The following ANAPC7 variants were observed in gnomAD, a reference collection of about 807,000 sequenced individuals.
ANAPC7 encodes the protein anaphase promoting complex subunit 7, also known as anaphase-promoting complex subunit 7.
In ANAPC7, 25 loss-of-function variants were observed where a neutral mutation model predicts 63.3. The observed-to-expected ratio is 0.39, with a 90% confidence interval of 0.29 to 0.55. ANAPC7 has a LOEUF of 0.55. Among genes scored for constraint, ANAPC7 ranks in the 20% least tolerant of loss-of-function variants. The pLI is 0.57. For missense variants in ANAPC7, 516 were observed against 691.7 expected (o/e 0.75, Z 2.85); for synonymous variants, 241 against 251.7 (o/e 0.96, Z 0.40).
At chr12:110,387,625 G>T in intron 5 of ANAPC7, 114 bp downstream of exon 5, 1 of 1,253,542 alleles carries the variant, frequency 8.0e-7, no homozygotes, top group African/African-American at 1.5e-5. Flanking sequence ...CCCAGAGACT[G>T]GCTGCAGCAC....
At chr12:110,379,218 A>G (rs1484750637) in intron 8 of ANAPC7, 1 of 152,242 alleles carries the variant, frequency 6.6e-6, no homozygotes, top group African/African-American at 2.4e-5. Context: ...GTTTGCAATT[A>G]CTTACTGAAT....
intron 6 of ANAPC7, among the ~76,000 whole-genome samples, chr12:110,385,937 CTTATTCCTTTT>C (rs1477460085): frequency 6.6e-6 from 1 of 152,134 alleles, no homozygotes; most frequent in East Asian, 1.9e-4. Context: ...TTATCCCTTT[CTTATTCCTTTT>C]TAATTATACT....
intron 1 of ANAPC7, among the ~76,000 whole-genome samples, chr12:110,399,623 C>A (rs990986544): frequency 1.3e-5 from 2 of 151,926 alleles, no homozygotes; most frequent in African/African-American, 4.8e-5. Context: ...TACACTAAAA[C>A]CCACAGAATT....
chr12:110,387,445 CAAAA>C (rs372266566), intron 5 of ANAPC7: 4 of 65,214 alleles, frequency 6.1e-5, no homozygotes, highest in Non-Finnish European at 8.4e-5. Flanking sequence ...GACCTTGTCT[CAAAA>C]AAAAAAAAAA....
At chr12:110,383,058 C>T (rs1882092686) in intron 6 of ANAPC7, 98 bp from the exon 7 acceptor site, 14 of 815,732 alleles carry the variant, frequency 1.7e-5, no homozygotes, top group Non-Finnish European at 2.5e-5. Context: ...CATGCTGAGG[C>T]CCCAGCTCCT....
chr12:110,382,461 A>AAATAT (rs1555289541), intron 7 of ANAPC7, among the ~76,000 whole-genome samples: 27 of 30,842 alleles, frequency 8.8e-4, no homozygotes, highest in African/African-American at 1.2e-3. Context: ...AAAAAAAAAA[A>AAATAT]ATATATATAT....
At chr12:110,390,368 C>T (rs1882994764) in intron 3 of ANAPC7, among the ~76,000 whole-genome samples, 2 of 152,164 alleles carry the variant, frequency 1.3e-5, no homozygotes, top group African/African-American at 4.8e-5. Flanking sequence ...GCCACCGTGT[C>T]TGGCAAAATT....
intron 5 of ANAPC7, chr12:110,387,275 G>A (rs1566268778): frequency 7.9e-6 from 1 of 127,260 alleles, no homozygotes; most frequent in Non-Finnish European, 1.7e-5. Flanking sequence ...GAGAGAGAGA[G>A]AGAGAGAGAG....
In ANAPC7 at chr12:110,377,597, C is replaced by T. The variant is rs1881405087; in HGVS notation, c.1153G>A (p.Ala385Thr). The T allele has an allele frequency of 1.2e-6, 2 of 1,614,008 alleles. No homozygotes were observed. The highest frequency in any genetic ancestry group is 1.7e-6 in the Non-Finnish European group (2 of 1,180,026). Reference protein sequence around the residue: ...CYEGLIECYLASNSIREAMVM... With the variant: ...CYEGLIECYLTSNSIREAMVM... ...ATTGCTTCTCGAATACTGTTGGAGG[C>T]TAAGTAACATTCGATAAGACCTGAA... The change falls in exon 9 of 11, where the codon GCC becomes ACC. Residue 385 changes from alanine to threonine, a missense_variant. Physicochemically the swap from Ala to Thr is moderately conservative, Grantham distance 58. Coordinates refer to ENST00000455511, the MANE Select transcript of ANAPC7 (RefSeq NM_016238.3).
At chr12:110,400,275 T>TTA (rs2062210563) in intron 1 of ANAPC7, among the ~76,000 whole-genome samples, 1 of 152,172 alleles carries the variant, frequency 6.6e-6, no homozygotes, top group Middle Eastern at 3.2e-3. Context: ...TACACATGCA[T>TTA]TAAGTTATCT....
intron 3 of ANAPC7, among the ~76,000 whole-genome samples, chr12:110,389,099 A>G (rs569489810): frequency 4.1e-5 from 6 of 144,710 alleles, no homozygotes; most frequent in South Asian, 2.1e-4. Flanking sequence ...AAAAAAAAAA[A>G]AAAGAAAAGA....
At chr12:110,401,628 C>T (rs1183704411) in intron 1 of ANAPC7, among the ~76,000 whole-genome samples, 1 of 152,090 alleles carries the variant, frequency 6.6e-6, no homozygotes, top group African/African-American at 2.4e-5. Flanking sequence ...CGATGGTTCA[C>T]GCCTGTAATC....
rs756357916 is a variant in ANAPC7, at chr12:110,382,836, A to G, written c.935+7T>C. 32 of 1,607,928 alleles carry G rather than the reference A, an allele frequency of 2.0e-5. No individual in the cohort carries two copies. In the Admixed American group the frequency reaches 3.5e-4, roughly 18 times the overall value. On this transcript the variant is annotated splice_region_variant and intron_variant, in intron 7 of 10. Transcript: ENST00000455511. ...AACTGGGGAGAAAAGAGAATGCATA[A>G]TCATACCCAGAAACCACCCACGGTT...
intron 6 of ANAPC7, among the ~76,000 whole-genome samples, chr12:110,383,556 T>C (rs1882138826): frequency 6.6e-6 from 1 of 151,634 alleles, no homozygotes. Context: ...CTGGGCAATA[T>C]GGTGAGACCC....
At position 110,395,155 on chromosome 12, in the gene ANAPC7, A is replaced by G; in HGVS notation, c.354T>C (p.Asp118=). ...MAECYTMLKQ[D]KDAIAILDGI... is the part of the protein sequence containing the mutation. ...CATCAAGTATAGCAATGGCATCTTTATCTTGTTTTAGCATTGTATAACATT... is the reference window on the plus strand; with the variant it reads ...CATCAAGTATAGCAATGGCATCTTTGTCTTGTTTTAGCATTGTATAACATT... Residue 118 remains aspartate (D), a synonymous_variant, in exon 3 of 11, where the codon GAT becomes GAC. Transcript: ENST00000455511. 3.1e-6 allele frequency: 5 copies of G among 1,613,852 alleles called. No homozygotes were observed. The highest frequency in any genetic ancestry group is 4.2e-6 in the Non-Finnish European group (5 of 1,179,820).
chr12:110,375,431 C>T (rs1881177329), intron 10 of ANAPC7: 1 of 985,298 alleles, frequency 1.0e-6, no homozygotes, highest in South Asian at 4.7e-5. Flanking sequence ...TTCACCATAA[C>T]CTTACAGACA....
At chr12:110,377,751 G>A in intron 8 of ANAPC7, 134 bp from the exon 9 acceptor site, 38 of 1,495,412 alleles carry the variant, frequency 2.5e-5, no homozygotes, top group Non-Finnish European at 3.4e-5. Context: ...CTGATGGTGA[G>A]ATTAGACTGG....
chr12:110,402,878 G>A (rs1378776142), intron 1 of ANAPC7, among the ~76,000 whole-genome samples: 1 of 152,154 alleles, frequency 6.6e-6, no homozygotes, highest in African/African-American at 2.4e-5. Context: ...TGGGACCGCA[G>A]GCACGCACCA....
chr12:110,381,982 C>T (rs1252898513), intron 7 of ANAPC7, 34 bp from the exon 8 acceptor site: 3 of 1,483,152 alleles, frequency 2.0e-6, no homozygotes, highest in South Asian at 2.6e-5. Flanking sequence ...AACACAAAAA[C>T]CCCAGAAGTT....
Sources: allele counts gnomAD v4.1 joint callset (sites outside exome capture counted in the v4.1 genomes callset), GRCh38; gene constraint gnomAD v4.1.1; transcripts MANE v1.5; gene names NCBI Gene and HGNC (gene_info 2026-07-23, HGNC 2026-07-21).